KIF13A: variants seen among roughly 807,000 people sequenced by gnomAD.
The protein encoded by KIF13A is kinesin-like protein KIF13A.
A neutral mutation model predicts 212.2 loss-of-function variants in KIF13A; 79 were observed. That is an observed-to-expected ratio of 0.37 (90% confidence interval 0.31 to 0.45). The LOEUF is 0.45. Among genes scored for constraint, KIF13A ranks in the 20% least tolerant of loss-of-function variants. The pLI is 1.00. For missense variants in KIF13A, 1,901 were observed against 2,209.0 expected, an observed-to-expected ratio of 0.86 and a Z score of 2.79; for synonymous variants, 789 against 808.6, an observed-to-expected ratio of 0.98 and a Z score of 0.41.
intron 2 of KIF13A, among the ~76,000 whole-genome samples, chr6:17,907,169 C>A (rs752319717): frequency 6.6e-6 from 1 of 152,108 alleles, no homozygotes; most frequent in African/African-American, 2.4e-5. Flanking sequence ...TGACCCTATA[C>A]ATAAAAACTC....
rs763965929 is a variant in KIF13A at position 17,777,398 on chromosome 6, C to G, written c.4093-44G>C. ...GAAAATAACACTTTTTTTTTTTTTC[C>G]CCAGAGACAGAGTCTCACTCTGTTG... On this transcript the variant is annotated intron_variant, in intron 33 of 38. Transcript: ENST00000259711. This position sits in a 1 kb window ranked among gnomAD's most constrained non-coding sequence, Gnocchi z 4.4. The G allele has an allele frequency of 7.1e-7, 1 of 1,406,650 alleles. No individual in the cohort carries two copies. The highest frequency in any genetic ancestry group is 9.8e-7 in the Non-Finnish European group (1 of 1,019,772). 87.1% of individuals were successfully genotyped at this position (1,406,650 alleles called of 1,614,324 possible). A position where few individuals can be genotyped will look rare whatever the true frequency, so the allele number is the denominator to read the frequency against.
intron 2 of KIF13A, among the ~76,000 whole-genome samples, chr6:17,904,693 T>C (rs1417591456): frequency 6.6e-6 from 1 of 152,222 alleles, no homozygotes; most frequent in Non-Finnish European, 1.5e-5. Context: ...GAAAGATATC[T>C]GGGTCAAGGA....
intron 20 of KIF13A, among the ~76,000 whole-genome samples, chr6:17,802,962 C>G (rs1002474868): frequency 1.4e-5 from 2 of 140,630 alleles, no homozygotes; most frequent in Non-Finnish European, 3.0e-5. Context: ...GAGACAGAAT[C>G]TTGCTCTGTC....
In KIF13A at chr6:17,897,147, C is replaced by A. The variant is rs1286227287; in HGVS notation, c.159+1021G>T. Reference sequence around the variant, plus strand: ...AAACTCTTATTGCCAAGGACAATGTCTTCAATAAGTACAAGGTATACAGCA... The same window carrying A: ...AAACTCTTATTGCCAAGGACAATGTATTCAATAAGTACAAGGTATACAGCA... On this transcript the variant is annotated intron_variant, in intron 3 of 38. Coordinates refer to ENST00000259711, the MANE Select transcript of KIF13A (RefSeq NM_022113.6). The surrounding 1 kb of genome is among the most constrained non-coding windows in gnomAD (Gnocchi z 4.8). Among the ~76,000 whole-genome samples the A allele has an allele frequency of 1.3e-5, 2 of 152,198 alleles. No homozygotes were observed. The highest frequency in any genetic ancestry group is 4.8e-5 in the African/African-American group (2 of 41,452).
chr6:17,980,278 G>A (rs1452889594), intron 2 of KIF13A, among the ~76,000 whole-genome samples: 2 of 152,212 alleles, frequency 1.3e-5, no homozygotes, highest in African/African-American at 4.8e-5. Flanking sequence ...AGGTGAGTAG[G>A]TAGAATTAAG....
intron 2 of KIF13A, among the ~76,000 whole-genome samples, chr6:17,904,899 C>T (rs900359722): frequency 3.9e-5 from 6 of 152,194 alleles, no homozygotes; most frequent in African/African-American, 1.4e-4. Context: ...GAAAGATATA[C>T]AGTTAAATAG....
chr6:17,812,709 G>A (rs1307294709), intron 17 of KIF13A: 1 of 152,192 alleles, frequency 6.6e-6, no homozygotes, highest in East Asian at 1.9e-4. Flanking sequence ...TGAGATGGCT[G>A]GGTGAAATGA....
Position 17,783,774 on chromosome 6 carries a change from G to A in KIF13A, c.3489-73C>T. Reference sequence around the variant, plus strand: ...TCTTGTTAGCTGATAAAACACCACAGAGCTGTGGAAGCAAAGAGAACCATG... The same window carrying A: ...TCTTGTTAGCTGATAAAACACCACAAAGCTGTGGAAGCAAAGAGAACCATG... On this transcript the variant is annotated intron_variant, in intron 28 of 38. Transcript: ENST00000259711. The surrounding 1 kb of genome is among the most constrained non-coding windows in gnomAD (Gnocchi z 4.3). 2.0e-6 allele frequency: 2 copies of A among 988,802 alleles called. No individual in the cohort carries two copies. The highest frequency in any genetic ancestry group is 3.1e-6 in the Non-Finnish European group (2 of 636,916). The allele number at this position is 988,802 out of a possible 1,614,324, so 61.3% of individuals were successfully genotyped here.
intron 18 of KIF13A, among the ~76,000 whole-genome samples, chr6:17,806,356 A>G (rs972985890): frequency 2.6e-5 from 4 of 152,212 alleles, no homozygotes; most frequent in Non-Finnish European, 4.4e-5. Flanking sequence ...TATAAAGTCC[A>G]CTATAAGCAT....
rs772803256 is a variant in KIF13A, at chr6:17,836,966, G to A, written c.1067C>T (p.Ala356Val). The change falls in exon 11 of 39, where the codon GCT becomes GTT. Residue 356 changes from alanine to valine, a missense_variant. Physicochemically the swap from Ala to Val is moderately conservative, Grantham distance 64. This residue lies in a region of KIF13A where 506 missense variants were observed against 637.4 expected (regional missense o/e 0.79). Transcript: ENST00000259711. Reference protein sequence around the residue: ...ADRAKRIVNHAVVNEDPNAKV... With the variant: ...ADRAKRIVNHVVVNEDPNAKV... Reference sequence around the variant, plus strand: ...TGCGTTGGGGTCCTCATTCACAACAGCATGGTTCACAATCCTTTTGGCTCG... The same window carrying A: ...TGCGTTGGGGTCCTCATTCACAACAACATGGTTCACAATCCTTTTGGCTCG... 85 of 1,613,822 alleles carry A rather than the reference G, an allele frequency of 5.3e-5. No individual in the cohort carries two copies. The highest frequency in any genetic ancestry group is 7.1e-5 in the Non-Finnish European group (84 of 1,179,894).
Position 17,883,864 on chromosome 6 carries a change from C to T in KIF13A, c.160-10427G>A, listed in dbSNP as rs200316206. 4.6e-5 allele frequency among the ~76,000 whole-genome samples: 7 copies of T among 152,130 alleles called. No homozygotes were observed. The East Asian group carries it at 1.2e-3, about 25-fold the overall frequency. ...CCTGGGAGTTTGAGGCTGCAATGAG[C>T]TATGATCACACCTGTGAATAGCCAC... On this transcript the variant is annotated intron_variant, in intron 3 of 38. Coordinates refer to ENST00000259711, the MANE Select transcript of KIF13A (RefSeq NM_022113.6). This position sits in a 1 kb window ranked among gnomAD's most constrained non-coding sequence, Gnocchi z 4.8.
At position 17,947,444 on chromosome 6, in the gene KIF13A, T is replaced by C. The variant is rs1305897391; in HGVS notation, c.146+39610A>G. ...TTTGATAATACCTAATAATTAAGGC[T>C]AGCTACTTTTCCTTTCAGCTTCCTT... is the stretch of plus-strand genomic sequence containing the variant. On this transcript the variant is annotated intron_variant, in intron 2 of 38. Coordinates refer to ENST00000259711, the MANE Select transcript of KIF13A (RefSeq NM_022113.6). This position sits in a 1 kb window ranked among gnomAD's most constrained non-coding sequence, Gnocchi z 4.6. Among the ~76,000 whole-genome samples, 1 of 152,200 alleles carries C rather than the reference T, an allele frequency of 6.6e-6. No homozygotes were observed. Among genetic ancestry groups the C allele is most frequent in the Non-Finnish European group, 1.5e-5 (1 of 68,030 alleles).
downstream of KIF13A, chr6:17,759,151 ATTATTT>A (rs1186359722): frequency 1.3e-5 from 2 of 152,212 alleles, no homozygotes; most frequent in South Asian, 2.1e-4. Flanking sequence ...TGCTGATATT[ATTATTT>A]TTAACACTGC....
intron 2 of KIF13A, among the ~76,000 whole-genome samples, chr6:17,964,640 C>T (rs750282136): frequency 6.6e-6 from 1 of 152,088 alleles, no homozygotes; most frequent in Non-Finnish European, 1.5e-5. Context: ...ATGCTGCTTT[C>T]TCGAAGAGAA....
chr6:17,925,876 G>A (rs1775453318), intron 2 of KIF13A, among the ~76,000 whole-genome samples: 1 of 152,168 alleles, frequency 6.6e-6, no homozygotes, highest in Non-Finnish European at 1.5e-5. Flanking sequence ...TATTAATGAA[G>A]AGGATACTTG....
rs1009327094 is a variant in KIF13A, at chr6:17,872,259, T to G, written c.220+1118A>C. The stretch of plus-strand genomic sequence containing the variant: ...ACCTATCAATAAACAAAACATTAAT[T>G]TTCTTTAAACTAGTCATGTGCTTTT... On this transcript the variant is annotated intron_variant, in intron 4 of 38. Transcript: ENST00000259711. This position sits in a 1 kb window ranked among gnomAD's most constrained non-coding sequence, Gnocchi z 4.7. Among the ~76,000 whole-genome samples, 9 of 152,232 alleles carry G rather than the reference T, an allele frequency of 5.9e-5. No individual in the cohort carries two copies. Among genetic ancestry groups the G allele is most frequent in the Admixed American group, 2.0e-4 (3 of 15,280 alleles).
chr6:17,892,240 T>C lies in KIF13A; in HGVS notation c.159+5928A>G, dbSNP rs947795567. Among the ~76,000 whole-genome samples the C allele has an allele frequency of 9.2e-5, 14 of 152,240 alleles. No individual in the cohort carries two copies. The highest frequency in any genetic ancestry group is 3.1e-4 in the African/African-American group (13 of 41,466). ...ACTCTTGATATACTGTCTTCTCCTA[T>C]ATGCTGTTAGCATCAAAGTCCTGGT... is the stretch of plus-strand genomic sequence containing the variant. On this transcript the variant is annotated intron_variant, in intron 3 of 38. Coordinates refer to ENST00000259711, the MANE Select transcript of KIF13A (RefSeq NM_022113.6). The surrounding 1 kb of genome is among the most constrained non-coding windows in gnomAD (Gnocchi z 4.7).
At chr6:17,945,758 C>T (rs115932912) in intron 2 of KIF13A, among the ~76,000 whole-genome samples, 2,167 of 152,172 alleles carry the variant, frequency 0.014, 64 homozygotes, top group African/African-American at 0.048. Context: ...CCAAGCCACC[C>T]CTATAGCAGA....
Position 17,771,680 on chromosome 6 carries a change from A to G in KIF13A, c.4476+228T>C, listed in dbSNP as rs1759509346. The G allele has an allele frequency of 4.5e-6, 2 of 440,738 alleles. No homozygotes were observed. The highest frequency in any genetic ancestry group is 8.1e-6 in the Non-Finnish European group (2 of 248,278). The allele number at this position is 440,738 out of a possible 1,614,324, so 27.3% of individuals were successfully genotyped here. A position where few individuals can be genotyped will look rare whatever the true frequency, so the allele number is the denominator to read the frequency against. On this transcript the variant is annotated intron_variant, in intron 37 of 38. Transcript: ENST00000259711. This position sits in a 1 kb window ranked among gnomAD's most constrained non-coding sequence, Gnocchi z 5.4. Reference sequence around the variant, plus strand: ...TTTCTCACTTGAAACATAAAAAAATACTTTGAAAAGCCATAAACACAAAGA... The same window carrying G: ...TTTCTCACTTGAAACATAAAAAAATGCTTTGAAAAGCCATAAACACAAAGA...
Sources: allele counts gnomAD v4.1 joint callset (sites outside exome capture counted in the v4.1 genomes callset), GRCh38; gene constraint gnomAD v4.1.1; regional missense constraint gnomAD v4.1.1; non-coding constraint Gnocchi (gnomAD v3.1); transcripts MANE v1.5; gene names NCBI Gene and HGNC (gene_info 2026-07-23, HGNC 2026-07-21).